IPO11: variants seen among roughly 807,000 people sequenced by gnomAD.
IPO11 encodes the protein importin 11.
In IPO11, 66 loss-of-function variants were observed where a neutral mutation model predicts 143.2. That is an observed-to-expected ratio of 0.46 (90% CI 0.38 to 0.57). The LOEUF (loss-of-function observed/expected upper bound fraction) is 0.57, where lower values mean the gene tolerates loss of function less well. Among genes scored for constraint, IPO11 ranks in the 20% least tolerant of loss-of-function variants. The pLI is 0.00. For missense variants in IPO11, 1,026 were observed against 1,141.0 expected, an observed-to-expected ratio of 0.90 and a Z score of 1.45; for synonymous variants, 385 against 377.8, an observed-to-expected ratio of 1.02 and a Z score of -0.22.
chr5:62,518,699 G>C (rs978670209), intron 20 of IPO11, among the ~76,000 whole-genome samples: 3 of 152,120 alleles, frequency 2.0e-5, no homozygotes, highest in Admixed American at 1.3e-4. Context: ...ACAGACATTG[G>C]TGTAAGTTTC....
At chr5:62,498,309 A>G (rs984076940) in intron 16 of IPO11, among the ~76,000 whole-genome samples, 48 of 152,164 alleles carry the variant, frequency 3.2e-4, no homozygotes, top group African/African-American at 9.9e-4. Context: ...GATTCTATAC[A>G]ATAGACCAAA....
At chr5:62,535,994 A>T (rs1336899799) in intron 22 of IPO11, among the ~76,000 whole-genome samples, 1 of 152,176 alleles carries the variant, frequency 6.6e-6, no homozygotes, top group East Asian at 1.9e-4. Context: ...TTTTGATCAT[A>T]TTCAGTTTTA....
chr5:62,447,464 G>A (rs1744758672), intron 3 of IPO11, among the ~76,000 whole-genome samples: 1 of 152,136 alleles, frequency 6.6e-6, no homozygotes, highest in East Asian at 1.9e-4. Flanking sequence ...TCTACTGAAA[G>A]CTTTGTTTTC....
intron 20 of IPO11, among the ~76,000 whole-genome samples, chr5:62,519,603 T>A (rs1742139921): frequency 6.6e-6 from 1 of 152,224 alleles, no homozygotes; most frequent in African/African-American, 2.4e-5. Context: ...ATTTTATTTC[T>A]TATACATAGT....
chr5:62,601,004 G>C (rs1462260924), intron 28 of IPO11, among the ~76,000 whole-genome samples: 5 of 152,214 alleles, frequency 3.3e-5, no homozygotes, highest in African/African-American at 1.2e-4. Flanking sequence ...ACCTGTACTT[G>C]CTACAAAACA....
At chr5:62,555,746 G>C (rs367802760) in intron 26 of IPO11, among the ~76,000 whole-genome samples, 6 of 151,886 alleles carry the variant, frequency 4.0e-5, no homozygotes, top group African/African-American at 1.5e-4. Context: ...CTCGTGATCC[G>C]CCTGCCTCGG....
intron 1 of IPO11, among the ~76,000 whole-genome samples, chr5:62,436,521 A>G (rs986891763): frequency 3.3e-5 from 5 of 152,250 alleles, no homozygotes; most frequent in Admixed American, 6.5e-5. Flanking sequence ...CTTGCTAAGT[A>G]TAGAATTGTA....
rs966584628 is a variant in IPO11 at position 62,591,568 on chromosome 5, T to G, written c.2583-9T>G. 3.2e-6 allele frequency: 5 copies of G among 1,547,534 alleles called. No individual in the cohort carries two copies. Among genetic ancestry groups the G allele is most frequent in the Non-Finnish European group, 4.4e-6 (5 of 1,138,272 alleles). On this transcript the variant is annotated splice_polypyrimidine_tract_variant and intron_variant, in intron 27 of 29. Coordinates refer to ENST00000325324, the MANE Select transcript of IPO11 (RefSeq NM_016338.5). ...CCAGTTAACCTGTTTTGCTTTTCTT[T>G]TATTCTAGTGTTATCCAAGATAAAT...
rs1253878831 is a variant in IPO11, at chr5:62,612,713, G to A, written c.2763+10865G>A. On this transcript the variant is annotated intron_variant, in intron 29 of 29. Transcript: ENST00000325324. ...TCTAATTTCTGATCCAGTAAATATT[G>A]GTAGATTTAACCCATATAAGCAAAT... 2.6e-5 allele frequency among the ~76,000 whole-genome samples: 4 copies of A among 152,072 alleles called. No individual in the cohort carries two copies. In the East Asian group the frequency reaches 7.7e-4, roughly 29 times the overall value.
At chr5:62,471,404 T>C (rs925930117) in intron 7 of IPO11, among the ~76,000 whole-genome samples, 18 of 152,182 alleles carry the variant, frequency 1.2e-4, no homozygotes, top group African/African-American at 4.3e-4. Flanking sequence ...AAACCCATAA[T>C]ATACATCATC....
At chr5:62,454,360 G>A (rs2112166944) in intron 5 of IPO11, among the ~76,000 whole-genome samples, 1 of 152,158 alleles carries the variant, frequency 6.6e-6, no homozygotes, top group South Asian at 2.1e-4. Context: ...TTCACTTCTA[G>A]GACTTACTTT....
At chr5:62,537,696 A>G (rs1291907448) in intron 24 of IPO11, among the ~76,000 whole-genome samples, 1 of 152,168 alleles carries the variant, frequency 6.6e-6, no homozygotes, top group African/African-American at 2.4e-5. Context: ...TTATAATTTG[A>G]TAGCTTTAAT....
chr5:62,579,581 A>C, intron 27 of IPO11: 1 of 1,551,202 alleles, frequency 6.4e-7, no homozygotes, highest in South Asian at 1.2e-5. Flanking sequence ...AACTGCCGTA[A>C]CTTAGGCCTT....
intron 1 of IPO11, among the ~76,000 whole-genome samples, chr5:62,431,800 G>C (rs1328521162): frequency 6.6e-6 from 1 of 152,046 alleles, no homozygotes; most frequent in Non-Finnish European, 1.5e-5. Context: ...AGTTAGCCAG[G>C]CTTGGTGGTG....
intron 27 of IPO11, among the ~76,000 whole-genome samples, chr5:62,571,044 G>A (rs1744116082): frequency 6.6e-6 from 1 of 152,174 alleles, no homozygotes; most frequent in Non-Finnish European, 1.5e-5. Flanking sequence ...ACTAGAAAAA[G>A]TACTCAGAGG....
At chr5:62,594,160 G>C (rs1745131995) in intron 28 of IPO11, among the ~76,000 whole-genome samples, 3 of 152,160 alleles carry the variant, frequency 2.0e-5, no homozygotes, top group Admixed American at 6.5e-5. Context: ...GGGTTCTCCA[G>C]AGAAACAGAA....
intron 5 of IPO11, among the ~76,000 whole-genome samples, chr5:62,462,279 A>T (rs564795680): frequency 1.3e-5 from 2 of 152,248 alleles, no homozygotes; most frequent in Non-Finnish European, 2.9e-5. Context: ...TGAGTCCACC[A>T]TGTTTAAATG....
chr5:62,580,114 G>A, intron 27 of IPO11: 1 of 1,551,092 alleles, frequency 6.4e-7, no homozygotes, highest in Non-Finnish European at 8.7e-7. Context: ...TGCCTTTGAA[G>A]TACTTAAAAG....
intron 12 of IPO11, among the ~76,000 whole-genome samples, chr5:62,486,720 A>G (rs974825313): frequency 5.3e-5 from 8 of 152,190 alleles, no homozygotes; most frequent in African/African-American, 1.9e-4. Context: ...AAACTTTAAA[A>G]AATTTCATTC....
Sources: gnomAD v4.1 joint callset for allele counts (sites outside exome capture counted in the v4.1 genomes callset) on GRCh38, gnomAD v4.1.1 for gene constraint, MANE v1.5 for transcripts, NCBI Gene and HGNC (gene_info 2026-07-23, HGNC 2026-07-21) for gene names.